Variants in CSN2 observed in about 807,000 individuals in gnomAD.
CSN2 encodes beta-casein.
CSN2 carries 27 observed loss-of-function variants against 27.3 expected under a neutral mutation model. That is an observed-to-expected ratio of 0.99 (90% CI 0.73 to 1.36). The LOEUF is 1.36. CSN2 is among the 40% of genes most tolerant of loss of function. The pLI is 0.00. For missense variants in CSN2, 333 were observed against 264.5 expected (o/e 1.26, Z -1.80); for synonymous variants, 131 against 94.8 (o/e 1.38, Z -2.22).
At chr4:69,963,074 A>T (rs1723661633) in intron 1 of CSN2, among the ~76,000 whole-genome samples, 1 of 152,016 alleles carries the variant, frequency 6.6e-6, no homozygotes, top group South Asian at 2.1e-4. Flanking sequence ...ATCATTAAAA[A>T]GTCAGGAAAC....
At chr4:69,956,285 A>G (rs947602946) in intron 7 of CSN2, 29 bp downstream of exon 7, 1 of 1,336,950 alleles carries the variant, frequency 7.5e-7, no homozygotes, top group African/African-American at 1.5e-5. Context: ...AAAAATGATC[A>G]ATTAAATCTC....
chr4:69,961,052 G>T, intron 1 of CSN2, 45 bp from the exon 2 acceptor site: 1 of 1,387,090 alleles, frequency 7.2e-7, no homozygotes, highest in Non-Finnish European at 1.0e-6. Flanking sequence ...TGGTCAATTG[G>T]ATATACTTTC....
rs1406603232 is a variant in CSN2, at chr4:69,957,624, A to C, written c.325T>G (p.Tyr109Asp). 6.2e-7 allele frequency: 1 copy of C among 1,613,998 alleles called. No homozygotes were observed. Among genetic ancestry groups the C allele is most frequent in the Non-Finnish European group, 8.5e-7 (1 of 1,179,996 alleles). ...MEVPKAKDTV[Y>D]TKGRVMPVLK... Reference sequence around the variant, plus strand: ...ACAGGCATCACTCTGCCCTTAGTGTAGACAGTGTCTTTAGCTTTAGGGACT... The same window carrying C: ...ACAGGCATCACTCTGCCCTTAGTGTCGACAGTGTCTTTAGCTTTAGGGACT... Residue 109 changes from tyrosine to aspartate, a missense_variant, in exon 6 of 8, where the codon TAC (tyrosine) becomes GAC (aspartate). Coordinates refer to ENST00000353151, the MANE Select transcript of CSN2 (RefSeq NM_001891.4).
chr4:69,962,845 G>A (rs1723644865), intron 1 of CSN2, among the ~76,000 whole-genome samples: 1 of 152,086 alleles, frequency 6.6e-6, no homozygotes, highest in Admixed American at 6.5e-5. Flanking sequence ...ATCTGACAAA[G>A]GGCTAATATC....
At chr4:69,963,573 AC>A (rs1381918821) in intron 1 of CSN2, among the ~76,000 whole-genome samples, 3 of 143,558 alleles carry the variant, frequency 2.1e-5, no homozygotes, top group Non-Finnish European at 4.6e-5. Flanking sequence ...AACATCACAC[AC>A]CGGGGCTGTT....
Position 69,958,932 on chromosome 4 carries a change from GT to G in CSN2, c.120del (p.Lys40AsnfsTer25), listed in dbSNP as rs1420766875. On this transcript the variant is annotated frameshift_variant, in exon 5 of 8. Coordinates refer to ENST00000353151, the MANE Select transcript of CSN2 (RefSeq NM_001891.4). LOFTEE classifies it high-confidence loss of function. ...TEYKQKVEKVKHEDQQQGEDE... is the reference protein window; with the variant it reads ...TEYKQKVEKVXHEDQQQGEDE... ...ACCTCTCCTTGCTGCTGGTCCTCAT[GT>G]TTAACCTTCTCAACTTTCTGCTAAA... 6.3e-7 allele frequency: 1 copy of G among 1,597,054 alleles called. No individual in the cohort carries two copies. Among genetic ancestry groups the G allele is most frequent in the African/African-American group, 1.3e-5 (1 of 74,470 alleles).
intron 6 of CSN2, 117 bp downstream of exon 6, chr4:69,957,157 A>C (rs1723423381): frequency 9.1e-7 from 1 of 1,095,706 alleles, no homozygotes; most frequent in African/African-American, 1.6e-5. Context: ...GTATAATAAT[A>C]AAAGAATCAC....
chr4:69,961,446 G>A (rs1044767351), intron 1 of CSN2, among the ~76,000 whole-genome samples: 5 of 152,090 alleles, frequency 3.3e-5, no homozygotes, highest in African/African-American at 9.7e-5. Context: ...ATCAATAAAT[G>A]TAATCCAGCA....
intron 5 of CSN2, among the ~76,000 whole-genome samples, chr4:69,958,447 A>C (rs1723471001): frequency 1.3e-5 from 2 of 152,186 alleles, no homozygotes; most frequent in Admixed American, 6.6e-5. Context: ...AGCAATTGAA[A>C]ATTATAATTG....
chr4:69,963,135 G>T (rs1241437957), intron 1 of CSN2, among the ~76,000 whole-genome samples: 10 of 152,068 alleles, frequency 6.6e-5, no homozygotes, highest in Non-Finnish European at 1.2e-4. Flanking sequence ...TACACTGTTG[G>T]TGGGACTGTA....
At chr4:69,959,401 T>A (rs1188230538) in intron 3 of CSN2, among the ~76,000 whole-genome samples, 4 of 152,070 alleles carry the variant, frequency 2.6e-5, no homozygotes, top group African/African-American at 9.7e-5. Context: ...CTAATAACAA[T>A]TGATACATTA....
intron 1 of CSN2, among the ~76,000 whole-genome samples, chr4:69,962,876 A>T (rs1243616707): frequency 6.6e-6 from 1 of 152,234 alleles, no homozygotes; most frequent in African/African-American, 2.4e-5. Context: ...AATGAACTCC[A>T]ACAAATTTAC....
chr4:69,964,785 G>T (rs183952586), intron 1 of CSN2, among the ~76,000 whole-genome samples: 1 of 148,748 alleles, frequency 6.7e-6, no homozygotes, highest in Admixed American at 6.7e-5. Flanking sequence ...TTTTATATAC[G>T]AATGTATAAT....
chr4:69,961,110 A>T (rs1578145332), intron 1 of CSN2, 103 bp from the exon 2 acceptor site: 2 of 651,880 alleles, frequency 3.1e-6, no homozygotes, highest in East Asian at 5.5e-5. Context: ...AAAGAGAGAT[A>T]ATATATAACA....
chr4:69,958,257 A>G (rs1441862816), intron 5 of CSN2, among the ~76,000 whole-genome samples: 1 of 152,148 alleles, frequency 6.6e-6, no homozygotes, highest in Non-Finnish European at 1.5e-5. Context: ...TTTGATGAAA[A>G]AGAAAATCAG....
chr4:69,956,785 A>G (rs1723409805), intron 6 of CSN2, among the ~76,000 whole-genome samples: 1 of 152,202 alleles, frequency 6.6e-6, no homozygotes, highest in Non-Finnish European at 1.5e-5. Flanking sequence ...CAGACTAATT[A>G]AACCAGAATT....
In CSN2 at chr4:69,957,620, G is replaced by C. The variant is rs756927150; in HGVS notation, c.329C>G (p.Thr110Ser). ...EVPKAKDTVY[T>S]KGRVMPVLKS... ...AAGGACAGGCATCACTCTGCCCTTA[G>C]TGTAGACAGTGTCTTTAGCTTTAGG... Residue 110 changes from threonine to serine, a missense_variant, in exon 6 of 8, where the codon ACT becomes AGT. Thr to Ser is a moderately conservative substitution (Grantham distance 58). Transcript: ENST00000353151. The C allele has an allele frequency of 6.2e-7, 1 of 1,613,970 alleles. No homozygotes were observed. Among genetic ancestry groups the C allele is most frequent in the Non-Finnish European group, 8.5e-7 (1 of 1,179,986 alleles).
intron 1 of CSN2, among the ~76,000 whole-genome samples, chr4:69,961,984 T>C (rs764491676): frequency 2.0e-4 from 31 of 152,074 alleles, no homozygotes; most frequent in Non-Finnish European, 4.0e-4. Flanking sequence ...CCATTCAAAA[T>C]TGCTTCAAAG....
At chr4:69,963,573 A>T (rs1723681579) in intron 1 of CSN2, among the ~76,000 whole-genome samples, 1 of 143,558 alleles carries the variant, frequency 7.0e-6, no homozygotes, top group Admixed American at 7.0e-5. Context: ...AACATCACAC[A>T]CCGGGGCTGT....
Sources: allele counts gnomAD v4.1 joint callset (sites outside exome capture counted in the v4.1 genomes callset), GRCh38; gene constraint gnomAD v4.1.1; transcripts MANE v1.5; gene names NCBI Gene and HGNC (gene_info 2026-07-23, HGNC 2026-07-21).